Variants in LMBRD1 observed in about 807,000 individuals in gnomAD.
LMBRD1 encodes the protein lysosomal cobalamin transport escort protein LMBD1.
A neutral mutation model predicts 74.8 loss-of-function variants in LMBRD1; 64 were observed. The ratio of observed to expected loss-of-function variants is 0.86; its 90% CI spans 0.70 to 1.05. LMBRD1 has a LOEUF of 1.05. LMBRD1 is among the 50% of genes least tolerant of loss of function. The pLI, the probability that LMBRD1 is intolerant of heterozygous loss-of-function variation, is 0.00. For missense variants in LMBRD1, 652 were observed against 645.9 expected, an observed-to-expected ratio of 1.01 and a Z score of -0.10; for synonymous variants, 204 against 216.3, an observed-to-expected ratio of 0.94 and a Z score of 0.50.
At chr6:69,688,578 C>A (rs747866751) in intron 14 of LMBRD1, among the ~76,000 whole-genome samples, 17 of 151,986 alleles carry the variant, frequency 1.1e-4, no homozygotes, top group Non-Finnish European at 1.5e-4. Flanking sequence ...CCTTCAGTTA[C>A]CTTCAGTTAA....
At chr6:69,769,742 GTTT>G (rs58498427) in intron 3 of LMBRD1, among the ~76,000 whole-genome samples, 6 of 144,978 alleles carry the variant, frequency 4.1e-5, no homozygotes, top group Non-Finnish European at 3.1e-5. Flanking sequence ...TTTTTTTAGT[GTTT>G]TTTTTTTTTA....
At chr6:69,712,884 C>A (rs1362303068) in intron 9 of LMBRD1, among the ~76,000 whole-genome samples, 3 of 152,058 alleles carry the variant, frequency 2.0e-5, no homozygotes, top group Non-Finnish European at 2.9e-5. Flanking sequence ...AAATCAACAA[C>A]AGCAACAAAG....
chr6:69,692,240 C>A (rs1483137963), intron 14 of LMBRD1, among the ~76,000 whole-genome samples: 1 of 151,552 alleles, frequency 6.6e-6, no homozygotes, highest in Non-Finnish European at 1.5e-5. Context: ...TAAATCCTAA[C>A]CCTATTGGTC....
At chr6:69,680,571 AT>A (rs1316340129) in intron 14 of LMBRD1, among the ~76,000 whole-genome samples, 1 of 152,030 alleles carries the variant, frequency 6.6e-6, no homozygotes, top group Non-Finnish European at 1.5e-5. Flanking sequence ...TGATCACATT[AT>A]TTTACATGTT....
chr6:69,732,680 A>T (rs1393396207), intron 7 of LMBRD1, among the ~76,000 whole-genome samples: 2 of 152,196 alleles, frequency 1.3e-5, no homozygotes, highest in Non-Finnish European at 2.9e-5. Flanking sequence ...ATAATATGTA[A>T]ATATGTATTT....
At chr6:69,773,027 G>T (rs970362177) in intron 3 of LMBRD1, among the ~76,000 whole-genome samples, 2 of 152,156 alleles carry the variant, frequency 1.3e-5, no homozygotes, top group Admixed American at 6.5e-5. Context: ...AAATCACAAA[G>T]AAGTCAACTT....
chr6:69,705,658 TATCATC>T, intron 9 of LMBRD1: 2 of 876,100 alleles, frequency 2.3e-6, no homozygotes, highest in South Asian at 1.3e-5. Flanking sequence ...TCTTCATCAT[TATCATC>T]ATCATCATCA....
intron 5 of LMBRD1, among the ~76,000 whole-genome samples, chr6:69,744,848 CTT>C (rs200677579): frequency 2.7e-5 from 4 of 145,736 alleles, no homozygotes; most frequent in South Asian, 2.2e-4. Flanking sequence ...TGCTGTAACT[CTT>C]TTTTTTTTTT....
chr6:69,749,831 AAT>A (rs1210313170), intron 4 of LMBRD1, among the ~76,000 whole-genome samples: 1 of 149,110 alleles, frequency 6.7e-6, no homozygotes, highest in Non-Finnish European at 1.5e-5. Flanking sequence ...GTATATATTA[AAT>A]ATATTTGTAT....
intron 4 of LMBRD1, among the ~76,000 whole-genome samples, 161 bp downstream of exon 4, chr6:69,752,098 T>A (rs1765170393): frequency 6.6e-6 from 1 of 152,226 alleles, no homozygotes; most frequent in African/African-American, 2.4e-5. Flanking sequence ...CAATGTATAA[T>A]TAAATTAATT....
At chr6:69,784,906 A>T (rs1765914069) in intron 2 of LMBRD1, among the ~76,000 whole-genome samples, 1 of 152,170 alleles carries the variant, frequency 6.6e-6, no homozygotes, top group Admixed American at 6.5e-5. Flanking sequence ...AGAGATACAC[A>T]AACACCACAA....
At chr6:69,756,719 G>A (rs780365832) in intron 3 of LMBRD1, among the ~76,000 whole-genome samples, 1 of 152,188 alleles carries the variant, frequency 6.6e-6, no homozygotes, top group Admixed American at 6.5e-5. Flanking sequence ...ACTTATTGGA[G>A]ACTTGCAAAA....
chr6:69,757,115 TA>T (rs1332962544), intron 3 of LMBRD1, among the ~76,000 whole-genome samples: 1 of 152,194 alleles, frequency 6.6e-6, no homozygotes, highest in Non-Finnish European at 1.5e-5. Context: ...TATATTCACA[TA>T]AAAGACGATC....
At chr6:69,755,418 C>T (rs1348646371) in intron 3 of LMBRD1, among the ~76,000 whole-genome samples, 2 of 151,894 alleles carry the variant, frequency 1.3e-5, no homozygotes, top group African/African-American at 4.8e-5. Flanking sequence ...ACATCATACA[C>T]TGGGGCCTGT....
chr6:69,756,362 C>CAAAAA (rs57798368), intron 3 of LMBRD1, among the ~76,000 whole-genome samples: 93 of 110,410 alleles, frequency 8.4e-4, no homozygotes, highest in South Asian at 3.6e-3. Flanking sequence ...GACTCAATCT[C>CAAAAA]AAAAAAAAAA....
At chr6:69,713,462 T>C (rs1766425660) in intron 9 of LMBRD1, among the ~76,000 whole-genome samples, 183 bp downstream of exon 9, 1 of 152,096 alleles carries the variant, frequency 6.6e-6, no homozygotes, top group Non-Finnish European at 1.5e-5. Flanking sequence ...AATACATTGC[T>C]CAGAAAGGTT....
chr6:69,750,202 G>A (rs1765095455), intron 4 of LMBRD1, among the ~76,000 whole-genome samples: 1 of 150,438 alleles, frequency 6.6e-6, no homozygotes, highest in Non-Finnish European at 1.5e-5. Context: ...ATCATGCCAG[G>A]CACTGATAAG....
chr6:69,750,223 A>G (rs1278585057), intron 4 of LMBRD1, among the ~76,000 whole-genome samples: 1 of 151,286 alleles, frequency 6.6e-6, no homozygotes, highest in Non-Finnish European at 1.5e-5. Context: ...AACGTCACAT[A>G]TGTTAACTCA....
chr6:69,777,397 G>A (rs1170081702), intron 3 of LMBRD1, among the ~76,000 whole-genome samples: 15 of 148,238 alleles, frequency 1.0e-4, no homozygotes, highest in Admixed American at 3.4e-4. Flanking sequence ...AGGTTGCAGT[G>A]AGCCGAGACT....
Sources: gnomAD v4.1 joint callset for allele counts (sites outside exome capture counted in the v4.1 genomes callset) on GRCh38, gnomAD v4.1.1 for gene constraint, MANE v1.5 for transcripts, NCBI Gene and HGNC (gene_info 2026-07-23, HGNC 2026-07-21) for gene names.